STK3: variants seen among roughly 807,000 people sequenced by gnomAD.
STK3 encodes the protein serine/threonine-protein kinase 3.
A neutral mutation model predicts 58.0 loss-of-function variants in STK3; 41 were observed. The ratio of observed to expected loss-of-function variants is 0.71; its 90% confidence interval spans 0.55 to 0.92. STK3 has a LOEUF of 0.92. STK3 is among the 40% of genes least tolerant of loss of function. STK3 has a pLI of 0.00. For synonymous variants in STK3, 170 were observed against 191.0 expected (o/e 0.89, Z 0.91); for missense variants, 479 against 602.7 (o/e 0.79, Z 2.15).
chr8:98,704,993 A>G (rs959050707), intron 6 of STK3, among the ~76,000 whole-genome samples: 1 of 152,252 alleles, frequency 6.6e-6, no homozygotes, highest in Non-Finnish European at 1.5e-5. Context: ...AGATGAAATA[A>G]GACTTTGTGT....
chr8:98,614,851 G>C (rs1428814877), intron 6 of STK3, among the ~76,000 whole-genome samples: 1 of 152,182 alleles, frequency 6.6e-6, no homozygotes, highest in Non-Finnish European at 1.5e-5. Context: ...AGCAGTCTGA[G>C]ATCAAACTGC....
At chr8:98,923,119 G>T (rs562715379) in intron 1 of STK3, among the ~76,000 whole-genome samples, 2 of 152,102 alleles carry the variant, frequency 1.3e-5, no homozygotes, top group South Asian at 4.1e-4. Context: ...TTGATCAAAT[G>T]GAAAGGTTTT....
chr8:98,872,608 T>A (rs1222507309), intron 3 of STK3, among the ~76,000 whole-genome samples: 1 of 152,218 alleles, frequency 6.6e-6, no homozygotes, highest in African/African-American at 2.4e-5. Context: ...TTCTTCTAGA[T>A]TTTCTAGTTT....
At chr8:98,565,887 T>C (rs752272471) in intron 8 of STK3, among the ~76,000 whole-genome samples, 1 of 152,182 alleles carries the variant, frequency 6.6e-6, no homozygotes, top group Non-Finnish European at 1.5e-5. Flanking sequence ...ATTCTTACTA[T>C]GTAATACAGT....
intron 10 of STK3, among the ~76,000 whole-genome samples, chr8:98,491,430 A>ATT (rs1170748631): frequency 3.5e-5 from 5 of 144,480 alleles, no homozygotes; most frequent in East Asian, 2.0e-4. Context: ...CACCTAGGAA[A>ATT]TTTTTTTTTT....
At chr8:98,562,381 CA>C (rs918572573) in intron 8 of STK3, among the ~76,000 whole-genome samples, 3 of 151,282 alleles carry the variant, frequency 2.0e-5, no homozygotes, top group African/African-American at 7.3e-5. Flanking sequence ...ATGACTGTTA[CA>C]AAAAACGTAG....
chr8:98,367,461 T>G (rs1324306820), downstream of STK3, among the ~76,000 whole-genome samples: 2 of 152,200 alleles, frequency 1.3e-5, no homozygotes, highest in Non-Finnish European at 2.9e-5. Context: ...CTGATGAGGA[T>G]AGGAAACCCT....
chr8:98,499,003 T>G (rs2131352822), intron 10 of STK3, among the ~76,000 whole-genome samples: 1 of 152,284 alleles, frequency 6.6e-6, no homozygotes, highest in Middle Eastern at 3.4e-3. Context: ...GGGAGATAAT[T>G]CTGAATAACT....
intron 6 of STK3, among the ~76,000 whole-genome samples, chr8:98,686,761 A>C (rs1214199460): frequency 6.6e-6 from 1 of 152,154 alleles, no homozygotes; most frequent in East Asian, 1.9e-4. Context: ...GGAACTGAAA[A>C]ATTTACTAGA....
At chr8:98,873,613 T>A (rs1264344682) in intron 3 of STK3, among the ~76,000 whole-genome samples, 2 of 152,220 alleles carry the variant, frequency 1.3e-5, no homozygotes, top group Non-Finnish European at 2.9e-5. Flanking sequence ...TTGTCTCTTT[T>A]AATCTTTGTT....
At chr8:98,725,889 T>C (rs1015369971) in intron 4 of STK3, among the ~76,000 whole-genome samples, 3 of 152,154 alleles carry the variant, frequency 2.0e-5, no homozygotes, top group Admixed American at 2.0e-4. Context: ...ATTAGATCAA[T>C]TTCAGGATTA....
chr8:98,655,085 T>C (rs1821364689), intron 6 of STK3, among the ~76,000 whole-genome samples: 1 of 151,548 alleles, frequency 6.6e-6, no homozygotes, highest in Admixed American at 6.6e-5. Flanking sequence ...CTTCAAACTA[T>C]ACTACAAGGC....
chr8:98,704,482 T>G (rs1209773869), intron 6 of STK3, among the ~76,000 whole-genome samples: 1 of 152,030 alleles, frequency 6.6e-6, no homozygotes, highest in Non-Finnish European at 1.5e-5. Flanking sequence ...AAAGAGAAAT[T>G]TACTTGGGCG....
intron 6 of STK3, among the ~76,000 whole-genome samples, chr8:98,703,364 G>A (rs142893925): frequency 2.5e-3 from 373 of 151,956 alleles, no homozygotes; most frequent in Middle Eastern, 0.01. Context: ...CCCAATGGAG[G>A]ATAAAATATT....
intron 6 of STK3, among the ~76,000 whole-genome samples, chr8:98,634,824 G>T (rs1819510768): frequency 6.6e-6 from 1 of 152,022 alleles, no homozygotes; most frequent in South Asian, 2.1e-4. Flanking sequence ...ACATATAAAA[G>T]CAGTTCACTG....
chr8:98,572,716 A>G (rs865963895), intron 8 of STK3, among the ~76,000 whole-genome samples: 4 of 152,192 alleles, frequency 2.6e-5, no homozygotes, highest in Middle Eastern at 3.2e-3. Context: ...ATGTGTGTAC[A>G]TATTGTATAT....
At chr8:98,720,676 G>A (rs1219593657) in intron 4 of STK3, among the ~76,000 whole-genome samples, 1 of 151,340 alleles carries the variant, frequency 6.6e-6, no homozygotes. Context: ...GCATGAACCC[G>A]GGAGGTGGAG....
At chr8:98,856,155 CAA>C (rs60632558) in intron 3 of STK3, among the ~76,000 whole-genome samples, 958 of 54,006 alleles carry the variant, frequency 0.018, 4 homozygotes, top group African/African-American at 0.044. Context: ...GACTCCATCT[CAA>C]AAAAAAAAAA....
intron 10 of STK3, among the ~76,000 whole-genome samples, chr8:98,502,820 G>T (rs186891601): frequency 3.9e-5 from 6 of 152,228 alleles, no homozygotes; most frequent in Admixed American, 6.5e-5. Context: ...ATTTTATTGA[G>T]AATTTTCGCA....
Sources: gnomAD v4.1 joint callset for allele counts (sites outside exome capture counted in the v4.1 genomes callset) on GRCh38, gnomAD v4.1.1 for gene constraint, MANE v1.5 for transcripts, NCBI Gene and HGNC (gene_info 2026-07-23, HGNC 2026-07-21) for gene names.